The following ATP2B4 variants were observed in gnomAD, a reference collection of about 807,000 sequenced individuals.
The protein encoded by ATP2B4 is plasma membrane calcium-transporting ATPase 4.
A neutral mutation model predicts 110.3 loss-of-function variants in ATP2B4; 39 were observed. The observed-to-expected ratio is 0.35, with a 90% CI of 0.27 to 0.46. The LOEUF (loss-of-function observed/expected upper bound fraction) is 0.46. Ranked by LOEUF, ATP2B4 falls within the 20% of genes least tolerant of loss-of-function variation. The pLI, the probability that ATP2B4 is intolerant of heterozygous loss-of-function variation, is 1.00. For missense variants in ATP2B4, 1,135 were observed against 1,530.9 expected (o/e 0.74, Z 4.32); for synonymous variants, 538 against 571.7 (o/e 0.94, Z 0.84).
chr1:203,703,418 A>G (rs1318116897), intron 7 of ATP2B4, among the ~76,000 whole-genome samples: 4 of 152,098 alleles, frequency 2.6e-5, no homozygotes, highest in Non-Finnish European at 4.4e-5. Flanking sequence ...AGAAATCCAT[A>G]CCCTAAAAGC....
intron 1 of ATP2B4, among the ~76,000 whole-genome samples, chr1:203,632,635 G>A (rs1229516047): frequency 8.0e-5 from 12 of 150,386 alleles, no homozygotes; most frequent in Admixed American, 4.6e-4. Flanking sequence ...GAGCCACCAC[G>A]CCTGGCCTAA....
At chr1:203,689,392 TGAG>T (rs1190667166) in intron 2 of ATP2B4, among the ~76,000 whole-genome samples, 2 of 152,244 alleles carry the variant, frequency 1.3e-5, no homozygotes, top group African/African-American at 4.8e-5. Context: ...TGGTGTTTTC[TGAG>T]GAAGAGTTAG....
chr1:203,677,241 T>C (rs1164795173), intron 1 of ATP2B4, among the ~76,000 whole-genome samples: 1 of 152,066 alleles, frequency 6.6e-6, no homozygotes, highest in African/African-American at 2.4e-5. Context: ...ACATAATACA[T>C]AGGGGTATGT....
intron 16 of ATP2B4, 50 bp downstream of exon 16, chr1:203,720,790 A>G (rs1342467415): frequency 1.3e-6 from 2 of 1,556,632 alleles, no homozygotes; most frequent in East Asian, 2.2e-5. Flanking sequence ...TCAGGGGCTA[A>G]GGAACATGGA....
intron 1 of ATP2B4, among the ~76,000 whole-genome samples, chr1:203,667,099 G>A (rs766757362): frequency 8.5e-5 from 13 of 152,196 alleles, no homozygotes; most frequent in Non-Finnish European, 1.5e-4. Flanking sequence ...CTATAGGTGC[G>A]CACCACCATG....
rs954061589 is a variant in ATP2B4, at chr1:203,722,114, TGAGA to T, written c.2813-359_2813-356del. ...GAGAGCAAGTATCAATGCAGCAAAC[TGAGA>T]GAGAAGGTAAAATAAGTCAAGACCA... On this transcript the variant is annotated intron_variant, in intron 17 of 20. Transcript: ENST00000357681. 2.0e-4 allele frequency among the ~76,000 whole-genome samples: 31 copies of T among 152,036 alleles called. 1 individual carries two copies. Among genetic ancestry groups the T allele is most frequent in the African/African-American group, 6.0e-4 (25 of 41,378 alleles).
intron 1 of ATP2B4, among the ~76,000 whole-genome samples, chr1:203,628,611 G>A (rs973147413): frequency 2.0e-5 from 3 of 152,160 alleles, no homozygotes; most frequent in Non-Finnish European, 4.4e-5. Flanking sequence ...GTCTGGCAGG[G>A]AGTCTAGAGA....
chr1:203,734,874 C>T (rs1666836750), intron 20 of ATP2B4, among the ~76,000 whole-genome samples: 1 of 151,452 alleles, frequency 6.6e-6, no homozygotes. Flanking sequence ...CATGGTGGCA[C>T]GTGCCTATAG....
Position 203,712,092 on chromosome 1 carries a change from T to G in ATP2B4, c.2164T>G (p.Leu722Val). The G allele has an allele frequency of 6.2e-7, 1 of 1,614,160 alleles. No individual in the cohort carries two copies. The highest frequency in any genetic ancestry group is 8.5e-7 in the Non-Finnish European group (1 of 1,180,022). Reference protein sequence around the residue: ...ILTPGDDFLCLEGKEFNRLIR... With the variant: ...ILTPGDDFLCVEGKEFNRLIR... ...GACACCTGGGGATGACTTCCTGTGCTTAGAAGGCAAAGAATTCAACCGGCT... is the reference window on the plus strand; with the variant it reads ...GACACCTGGGGATGACTTCCTGTGCGTAGAAGGCAAAGAATTCAACCGGCT... Residue 722 changes from leucine to valine, a missense_variant, in exon 13 of 21, where the codon TTA becomes GTA. Coordinates refer to ENST00000357681, the MANE Select transcript of ATP2B4 (RefSeq NM_001684.5).
intron 2 of ATP2B4, among the ~76,000 whole-genome samples, chr1:203,686,680 TCTTTC>T (rs1665191747): frequency 1.4e-4 from 18 of 124,890 alleles, no homozygotes; most frequent in Non-Finnish European, 5.1e-5. Context: ...TTCTTTCTTT[TCTTTC>T]TTTTTTTTTT....
At position 203,683,243 on chromosome 1, in the gene ATP2B4, C is replaced by T; in HGVS notation, c.38C>T (p.Ser13Leu). 4 of 1,614,108 alleles carry T rather than the reference C, an allele frequency of 2.5e-6. No individual in the cohort carries two copies. The South Asian group carries it at 3.3e-5, about 13-fold the overall frequency. ...NPSDRVLPAN[S>L]MAESREGDFG... ...TCAGACCGTGTCTTGCCTGCCAACT[C>T]GATGGCCGAGAGCCGTGAAGGGGAC... The change falls in exon 2 of 21, where the codon TCG (serine) becomes TTG (leucine). Residue 13 changes from serine (S) to leucine (L), a missense_variant. Around this residue, in one of 9 missense-constraint regions of ATP2B4, gnomAD observed 122 missense variants for 125.2 expected, o/e 0.97. Transcript: ENST00000357681.
chr1:203,629,850 G>T lies in ATP2B4; in HGVS notation c.-465+2631G>T, dbSNP rs1226048345. 6.6e-6 allele frequency among the ~76,000 whole-genome samples: 1 copy of T among 152,170 alleles called. No homozygotes were observed. Among genetic ancestry groups the T allele is most frequent in the East Asian group, 1.9e-4 (1 of 5,182 alleles). ...CCGTCTTACCCCTGGGACTCCCAGC[G>T]CCCAGCACGGAGCCTGGGATGTTAG... On this transcript the variant is annotated intron_variant, in intron 1 of 20. Coordinates refer to ENST00000357681, the MANE Select transcript of ATP2B4 (RefSeq NM_001684.5). The surrounding 1 kb of genome is among the most constrained non-coding windows in gnomAD (Gnocchi z 4.6).
In ATP2B4 at chr1:203,740,060, G is replaced by A. The variant is rs187075060; in HGVS notation, c.*206G>A. 36 of 602,028 alleles carry A rather than the reference G, an allele frequency of 6.0e-5. No individual in the cohort carries two copies. Among genetic ancestry groups the A allele is most frequent in the South Asian group, 5.2e-4 (23 of 43,976 alleles). 37.3% of individuals were successfully genotyped at this position (602,028 alleles called of 1,614,324 possible). A position where few individuals can be genotyped will look rare whatever the true frequency, so the allele number is the denominator to read the frequency against. ...TTAAGCTTGACTTGGGGTTTGTAGCGGGACCCAGTCAAACCCCATTCAGGT... is the reference window on the plus strand; with the variant it reads ...TTAAGCTTGACTTGGGGTTTGTAGCAGGACCCAGTCAAACCCCATTCAGGT... On this transcript the variant is annotated 3_prime_UTR_variant, in exon 21 of 21. Transcript: ENST00000357681.
chr1:203,699,112 C>T (rs1221090803), intron 3 of ATP2B4, among the ~76,000 whole-genome samples: 4 of 152,180 alleles, frequency 2.6e-5, no homozygotes, highest in Non-Finnish European at 4.4e-5. Flanking sequence ...CAAAACCCTA[C>T]ATCTCAAAGT....
intron 2 of ATP2B4, among the ~76,000 whole-genome samples, chr1:203,697,016 C>A (rs1211498924): frequency 1.3e-5 from 2 of 152,096 alleles, no homozygotes; most frequent in African/African-American, 4.8e-5. Context: ...ACTTTGTGGC[C>A]CCACCTTTCT....
chr1:203,707,513 C>G (rs1379234666), intron 9 of ATP2B4, among the ~76,000 whole-genome samples: 1 of 151,860 alleles, frequency 6.6e-6, no homozygotes, highest in East Asian at 1.9e-4. Context: ...ATGATGCAAC[C>G]TCCGCCTCCC....
intron 20 of ATP2B4, chr1:203,729,819 C>G (rs1666646507): frequency 7.8e-7 from 1 of 1,287,238 alleles, no homozygotes; most frequent in Admixed American, 2.3e-5. Flanking sequence ...TACAGTGGTC[C>G]TTGGTTTGTC....
At position 203,698,473 on chromosome 1, in the gene ATP2B4, A is replaced by T; in HGVS notation, c.391+119A>T. The T allele has an allele frequency of 2.7e-6, 3 of 1,127,088 alleles. No homozygotes were observed. In the South Asian group the frequency reaches 4.5e-5, roughly 17 times the overall value. The allele number at this position is 1,127,088 out of a possible 1,614,324, so 69.8% of individuals were successfully genotyped here. A position where few individuals can be genotyped will look rare whatever the true frequency, so the allele number is the denominator to read the frequency against. On this transcript the variant is annotated intron_variant, in intron 3 of 20. Transcript: ENST00000357681. ...TTAAAACATTTCCCCCATTATCCAG[A>T]GTGGGCTTTCCAAAGGAAACCAAGC...
intron 1 of ATP2B4, among the ~76,000 whole-genome samples, chr1:203,655,544 G>C (rs893541540): frequency 1.3e-5 from 2 of 152,088 alleles, no homozygotes; most frequent in Non-Finnish European, 2.9e-5. Context: ...TACTTGGAAG[G>C]CTGAGGCAGG....
Sources: allele counts gnomAD v4.1 joint callset (sites outside exome capture counted in the v4.1 genomes callset), GRCh38; gene constraint gnomAD v4.1.1; regional missense constraint gnomAD v4.1.1; non-coding constraint Gnocchi (gnomAD v3.1); transcripts MANE v1.5; gene names NCBI Gene and HGNC (gene_info 2026-07-23, HGNC 2026-07-21).